The following MFSD6 variants were observed in gnomAD, a reference collection of about 807,000 sequenced individuals.
The protein encoded by MFSD6 is major facilitator superfamily domain containing 6.
In MFSD6, 26 loss-of-function variants were observed where a neutral mutation model predicts 56.3. The ratio of observed to expected loss-of-function variants is 0.46; its 90% CI spans 0.34 to 0.64. The LOEUF is 0.64. MFSD6 is among the 30% of genes least tolerant of loss of function. The probability of loss-of-function intolerance (pLI) is 0.01; values close to 1 mark genes in which losing one functional copy is unlikely to be tolerated. For missense variants in MFSD6, 750 were observed against 986.2 expected (o/e 0.76, Z 3.21); for synonymous variants, 331 against 366.9 (o/e 0.90, Z 1.12).
At position 190,497,990 on chromosome 2, in the gene MFSD6, C is replaced by A; in HGVS notation, c.2172+271C>A. ...CTTGAAAGAAATAAAATAAATTAAT[C>A]CATTCTTTCATTGTATATTTGTTTT... On this transcript the variant is annotated intron_variant, in intron 7 of 7. Coordinates refer to ENST00000392328, the MANE Select transcript of MFSD6 (RefSeq NM_017694.4). The surrounding 1 kb of genome is among the most constrained non-coding windows in gnomAD (Gnocchi z 5.2). 1 of 298,778 alleles carries A rather than the reference C, an allele frequency of 3.3e-6. No individual in the cohort carries two copies. Among genetic ancestry groups the A allele is most frequent in the Non-Finnish European group, 6.2e-6 (1 of 160,870 alleles). The allele number at this position is 298,778 out of a possible 1,614,324, so 18.5% of individuals were successfully genotyped here.
In MFSD6 at chr2:190,410,427, A is replaced by C. The variant is rs1690511515; in HGVS notation, c.-176+1924A>C. Among the ~76,000 whole-genome samples, 1 of 152,216 alleles carries C rather than the reference A, an allele frequency of 6.6e-6. No homozygotes were observed. Among genetic ancestry groups the C allele is most frequent in the Non-Finnish European group, 1.5e-5 (1 of 68,042 alleles). On this transcript the variant is annotated intron_variant, in intron 1 of 7. Coordinates refer to ENST00000392328, the MANE Select transcript of MFSD6 (RefSeq NM_017694.4). This position sits in a 1 kb window ranked among gnomAD's most constrained non-coding sequence, Gnocchi z 4.4. ...TGGTGTCCCTCCCTAATCAGAACCT[A>C]TTAAGTCTCTCCACCTACGCAGATG...
Position 190,443,640 on chromosome 2 carries a change from C to T in MFSD6, c.1532+6079C>T, listed in dbSNP as rs1401887513. Among the ~76,000 whole-genome samples the T allele has an allele frequency of 6.6e-6, 1 of 152,102 alleles. No homozygotes were observed. The highest frequency in any genetic ancestry group is 2.4e-5 in the African/African-American group (1 of 41,402). On this transcript the variant is annotated intron_variant, in intron 3 of 7. Transcript: ENST00000392328. This position sits in a 1 kb window ranked among gnomAD's most constrained non-coding sequence, Gnocchi z 4.2. The stretch of plus-strand genomic sequence containing the variant: ...TCTTAGTCAAATTGAAATTTTTCTC[C>T]CCAAATTTCTGATGACCATAGATTT...
chr2:190,448,688 A>T (rs530111841), intron 3 of MFSD6, among the ~76,000 whole-genome samples: 90 of 152,252 alleles, frequency 5.9e-4, no homozygotes, highest in Admixed American at 1.3e-3. Context: ...TACACTCTAA[A>T]TTCACAGTTG....
rs993218072 is a variant in MFSD6 at position 190,410,553 on chromosome 2, C to T, written c.-176+2050C>T. On this transcript the variant is annotated intron_variant, in intron 1 of 7. Transcript: ENST00000392328. This position sits in a 1 kb window ranked among gnomAD's most constrained non-coding sequence, Gnocchi z 4.4. ...TGTAGGATAATTTATATATTTATTA[C>T]GTATGTATATTAATGTGTGTATGTT... Among the ~76,000 whole-genome samples the T allele has an allele frequency of 2.0e-5, 3 of 152,120 alleles. No homozygotes were observed. The highest frequency in any genetic ancestry group is 1.3e-4 in the Admixed American group (2 of 15,268).
At chr2:190,407,581 GAC>G (rs973769155), upstream of MFSD6, among the ~76,000 whole-genome samples, 5 of 152,136 alleles carry the variant, frequency 3.3e-5, no homozygotes, top group African/African-American at 1.2e-4. This position sits in a 1 kb window ranked among gnomAD's most constrained non-coding sequence, Gnocchi z 5.4. Context: ...CAGGCACACA[GAC>G]ATACTTGCCA....
At position 190,471,774 on chromosome 2, in the gene MFSD6, GAACA is replaced by G. The variant is rs1002468085; in HGVS notation, c.1630+1920_1630+1923del. On this transcript the variant is annotated intron_variant, in intron 4 of 7. Transcript: ENST00000392328. This position sits in a 1 kb window ranked among gnomAD's most constrained non-coding sequence, Gnocchi z 4.7. Reference sequence around the variant, plus strand: ...TCCCAGGACGCAGCTTGAGATCTGAGAACAGACAGACTGCCTCCTCAAGTGGGTC... The same window carrying G: ...TCCCAGGACGCAGCTTGAGATCTGAGGACAGACTGCCTCCTCAAGTGGGTC... 2.6e-5 allele frequency among the ~76,000 whole-genome samples: 4 copies of G among 152,186 alleles called. No homozygotes were observed. Among genetic ancestry groups the G allele is most frequent in the Non-Finnish European group, 2.9e-5 (2 of 68,026 alleles).
rs926685370 is a variant in MFSD6 at position 190,494,669 on chromosome 2, T to C, written c.1892-2770T>C. ...ATCCACCATGATCAACTGGGTTTCA[T>C]ACCAGGGATGCAGGAATGGTTTAAC... On this transcript the variant is annotated intron_variant, in intron 6 of 7. Transcript: ENST00000392328. The surrounding 1 kb of genome is among the most constrained non-coding windows in gnomAD (Gnocchi z 5.7). 1.3e-5 allele frequency among the ~76,000 whole-genome samples: 2 copies of C among 152,208 alleles called. No individual in the cohort carries two copies. The highest frequency in any genetic ancestry group is 2.9e-5 in the Non-Finnish European group (2 of 68,026).
rs1369171972 is a variant in MFSD6, at chr2:190,430,328, T to C, written c.-53-5649T>C. ...TAAACAAGTGAACAAAGATCTCTGG[T>C]TTTCCTAGGCAGAGGACCCTGCGGC... On this transcript the variant is annotated intron_variant, in intron 2 of 7. Transcript: ENST00000392328. Among the ~76,000 whole-genome samples, 11 of 150,818 alleles carry C rather than the reference T, an allele frequency of 7.3e-5. No individual in the cohort carries two copies. The East Asian group carries it at 2.0e-3, about 27-fold the overall frequency.
In MFSD6 at chr2:190,490,858, T is replaced by C. The variant is rs573983291; in HGVS notation, c.1891+992T>C. Among the ~76,000 whole-genome samples the C allele has an allele frequency of 1.5e-4, 23 of 152,216 alleles. No individual in the cohort carries two copies. Among genetic ancestry groups the C allele is most frequent in the Non-Finnish European group, 2.9e-4 (20 of 68,044 alleles). ...TGCTTCTGTGAAGAGAAAAACTTGC[T>C]TGTTACAGAAGCCTCAGAGACAGAT... On this transcript the variant is annotated intron_variant, in intron 6 of 7. Transcript: ENST00000392328. This position sits in a 1 kb window ranked among gnomAD's most constrained non-coding sequence, Gnocchi z 4.5.
rs1339244097 is a variant in MFSD6, at chr2:190,495,378, G to A, written c.1892-2061G>A. Among the ~76,000 whole-genome samples the A allele has an allele frequency of 3.3e-5, 5 of 152,180 alleles. No individual in the cohort carries two copies. Among genetic ancestry groups the A allele is most frequent in the Non-Finnish European group, 7.4e-5 (5 of 68,022 alleles). On this transcript the variant is annotated intron_variant, in intron 6 of 7. Transcript: ENST00000392328. The surrounding 1 kb of genome is among the most constrained non-coding windows in gnomAD (Gnocchi z 4.7). ...ATACACAAATGGAAACATATCCCAT[G>A]CTCATGGATGGGTAGAATCAATATT...
intron 3 of MFSD6, among the ~76,000 whole-genome samples, chr2:190,468,629 T>C (rs1687735582): frequency 6.6e-6 from 1 of 150,846 alleles, no homozygotes; most frequent in South Asian, 2.1e-4. Flanking sequence ...ATTTTTTTTT[T>C]TTTTTTTTTG....
intron 3 of MFSD6, chr2:190,442,765 A>C (rs926695506): frequency 6.6e-6 from 1 of 152,180 alleles, no homozygotes; most frequent in African/African-American, 2.4e-5. Flanking sequence ...AAATTGAAAC[A>C]TCTAGATGGG....
intron 2 of MFSD6, among the ~76,000 whole-genome samples, chr2:190,421,952 T>C (rs879376427): frequency 6.6e-6 from 1 of 152,178 alleles, no homozygotes; most frequent in Non-Finnish European, 1.5e-5. Flanking sequence ...TCTCTTCTGC[T>C]CCTGACTGTC....
At position 190,449,483 on chromosome 2, in the gene MFSD6, AAATT is replaced by A. The variant is rs999320612; in HGVS notation, c.1532+11926_1532+11929del. Among the ~76,000 whole-genome samples the A allele has an allele frequency of 1.4e-4, 22 of 152,174 alleles. 1 individual carries two copies. Among genetic ancestry groups the A allele is most frequent in the Admixed American group, 1.3e-3 (20 of 15,276 alleles). Reference sequence around the variant, plus strand: ...AGCAAGACTTCGTCTCAAAAAAAAAAAATTAATATCAAACTGTGTCCAACAACTT... The same window carrying A: ...AGCAAGACTTCGTCTCAAAAAAAAAAAATATCAAACTGTGTCCAACAACTT... On this transcript the variant is annotated intron_variant, in intron 3 of 7. Coordinates refer to ENST00000392328, the MANE Select transcript of MFSD6 (RefSeq NM_017694.4).
Position 190,467,875 on chromosome 2 carries a change from G to T in MFSD6, c.1533-1883G>T, listed in dbSNP as rs563149457. Among the ~76,000 whole-genome samples the T allele has an allele frequency of 6.6e-6, 1 of 152,312 alleles. No homozygotes were observed. The highest frequency in any genetic ancestry group is 2.4e-5 in the African/African-American group (1 of 41,574). The stretch of plus-strand genomic sequence containing the variant: ...CTCATTCATTTACATATTGCCTGTG[G>T]CTGCTTTCATGCTACAGCAGCAGAG... On this transcript the variant is annotated intron_variant, in intron 3 of 7. Transcript: ENST00000392328. This position sits in a 1 kb window ranked among gnomAD's most constrained non-coding sequence, Gnocchi z 5.5.
rs1687667441 is a variant in MFSD6 at position 190,467,531 on chromosome 2, T to C, written c.1533-2227T>C. ...AGGAGGCTGAGGCGGGAGAATTGCTTGAACCTGGGAGGCGGAGGTTTCAGT... is the reference window on the plus strand; with the variant it reads ...AGGAGGCTGAGGCGGGAGAATTGCTCGAACCTGGGAGGCGGAGGTTTCAGT... On this transcript the variant is annotated intron_variant, in intron 3 of 7. Transcript: ENST00000392328. The surrounding 1 kb of genome is among the most constrained non-coding windows in gnomAD (Gnocchi z 5.5). Among the ~76,000 whole-genome samples, 1 of 152,134 alleles carries C rather than the reference T, an allele frequency of 6.6e-6. No homozygotes were observed. Among genetic ancestry groups the C allele is most frequent in the Non-Finnish European group, 1.5e-5 (1 of 68,034 alleles).
Position 190,488,789 on chromosome 2 carries a change from T to C in MFSD6, c.1763T>C (p.Met588Thr), listed in dbSNP as rs1367390667. Residue 588 changes from methionine (M) to threonine (T), a missense_variant, in exon 5 of 8, where the codon ATG (methionine) becomes ACG (threonine). This residue lies in a region of MFSD6 where 125 missense variants were observed against 223.1 expected (regional missense o/e 0.56). Coordinates refer to ENST00000392328, the MANE Select transcript of MFSD6 (RefSeq NM_017694.4). The surrounding 1 kb of genome is among the most constrained non-coding windows in gnomAD (Gnocchi z 6.4). ...HLGLGRGCGA[M>T]IGGVLVNYFG... ...GGTTTGGGAAGAGGATGTGGTGCCATGATCGGAGGCGTGTTAGTCAATTAT... is the reference window on the plus strand; with the variant it reads ...GGTTTGGGAAGAGGATGTGGTGCCACGATCGGAGGCGTGTTAGTCAATTAT... 1.9e-6 allele frequency: 3 copies of C among 1,596,424 alleles called. No homozygotes were observed. Among genetic ancestry groups the C allele is most frequent in the South Asian group, 1.1e-5 (1 of 87,524 alleles).
At chr2:190,482,868 CTTT>C (rs199927176) in intron 4 of MFSD6, among the ~76,000 whole-genome samples, 33 of 48,270 alleles carry the variant, frequency 6.8e-4, no homozygotes, top group African/African-American at 1.6e-3. Flanking sequence ...AGACTATCAT[CTTT>C]TTTTTTTTTT....
Position 190,462,772 on chromosome 2 carries a change from A to G in MFSD6, c.1533-6986A>G, listed in dbSNP as rs1340645392. ...CAGTGCCCCAAGTCATATCTTGGAA[A>G]AAGGGAGAGAGATACTGTCAGCCCT... On this transcript the variant is annotated intron_variant, in intron 3 of 7. Coordinates refer to ENST00000392328, the MANE Select transcript of MFSD6 (RefSeq NM_017694.4). This position sits in a 1 kb window ranked among gnomAD's most constrained non-coding sequence, Gnocchi z 5.7. 3.9e-5 allele frequency among the ~76,000 whole-genome samples: 6 copies of G among 152,196 alleles called. No individual in the cohort carries two copies. The highest frequency in any genetic ancestry group is 8.8e-5 in the Non-Finnish European group (6 of 68,022).
Sources: allele counts gnomAD v4.1 joint callset (sites outside exome capture counted in the v4.1 genomes callset), GRCh38; gene constraint gnomAD v4.1.1; regional missense constraint gnomAD v4.1.1; non-coding constraint Gnocchi (gnomAD v3.1); transcripts MANE v1.5; gene names NCBI Gene and HGNC (gene_info 2026-07-23, HGNC 2026-07-21).